Variants in SAMD13 observed in about 807,000 individuals in gnomAD.
SAMD13 encodes sterile alpha motif domain-containing protein 13.
A neutral mutation model predicts 12.4 loss-of-function variants in SAMD13; 9 were observed. The observed-to-expected ratio is 0.72, with a 90% CI of 0.44 to 1.26. The LOEUF (loss-of-function observed/expected upper bound fraction) is 1.26, where lower values mean the gene tolerates loss of function less well. Among genes scored for constraint, SAMD13 ranks in the 50% most tolerant of loss-of-function variants. The probability of loss-of-function intolerance (pLI) is 0.00; values close to 1 mark genes in which losing one functional copy is unlikely to be tolerated. For synonymous variants in SAMD13, 46 were observed against 45.4 expected (o/e 1.01, Z -0.05); for missense variants, 84 against 119.6 (o/e 0.70, Z 1.39).
At position 84,324,250 on chromosome 1, in the gene SAMD13, G is replaced by A. The variant is rs1158348866; in HGVS notation, c.54-1387G>A. ...TGATCAGGTCACCCCCTTTACATAG[G>A]ACCATTCAACAGCTCCTCATTGCTC... is the stretch of plus-strand genomic sequence containing the variant. On this transcript the variant is annotated intron_variant, in intron 2 of 3. Transcript: ENST00000394834. Among the ~76,000 whole-genome samples the A allele has an allele frequency of 2.6e-5, 4 of 152,092 alleles. No individual in the cohort carries two copies. The East Asian group carries it at 7.7e-4, about 29-fold the overall frequency.
At chr1:84,325,589 C>G in intron 2 of SAMD13, 48 bp from the exon 3 acceptor site, 1 of 1,169,520 alleles carries the variant, frequency 8.6e-7, no homozygotes, top group South Asian at 1.2e-5. Context: ...CTGGCCACAC[C>G]CTTGTGCAGG....
In SAMD13 at chr1:84,324,804, C is replaced by A. The variant is rs559492380; in HGVS notation, c.54-833C>A. On this transcript the variant is annotated intron_variant, in intron 2 of 3. Transcript: ENST00000394834. ...TTACCAGTCTTTCTTTATTCTACTT[C>A]TCCTTTCCCTCCTCTCTGAATCCAA... Among the ~76,000 whole-genome samples the A allele has an allele frequency of 2.0e-4, 30 of 152,310 alleles. 1 individual carries two copies. The South Asian group carries it at 6.2e-3, about 32-fold the overall frequency.
At chr1:84,328,254 G>C (rs1679100727) in intron 3 of SAMD13, among the ~76,000 whole-genome samples, 1 of 152,264 alleles carries the variant, frequency 6.6e-6, no homozygotes, top group African/African-American at 2.4e-5. Context: ...ATCTCATTCT[G>C]TCCCAATGGA....
chr1:84,335,529 T>C lies in SAMD13; in HGVS notation c.165+9781T>C, dbSNP rs959708340. ...CACTCTGTGACTTTTAATTGAGACA[T>C]TTACTCTGTTTCCATTCAAGGTTAC... On this transcript the variant is annotated intron_variant, in intron 3 of 3. Coordinates refer to ENST00000394834, the MANE Select transcript of SAMD13 (RefSeq NM_001134663.2). Among the ~76,000 whole-genome samples the C allele has an allele frequency of 3.3e-5, 5 of 152,282 alleles. No homozygotes were observed. In the East Asian group the frequency reaches 9.6e-4, roughly 29 times the overall value.
At chr1:84,318,360 G>C (rs1377645885) in intron 2 of SAMD13, among the ~76,000 whole-genome samples, 1 of 151,560 alleles carries the variant, frequency 6.6e-6, no homozygotes, top group Non-Finnish European at 1.5e-5. Context: ...TGATTTATTT[G>C]ACCTATTGGT....
rs142102090 is a variant in SAMD13 at position 84,341,647 on chromosome 1, T to C, written c.166-7984T>C. Among the ~76,000 whole-genome samples, 416 of 152,162 alleles carry C rather than the reference T, an allele frequency of 2.7e-3. 1 individual carries two copies. Among genetic ancestry groups the C allele is most frequent in the Middle Eastern group, 6.8e-3 (2 of 294 alleles). ...AAAAGAATAGCTCCCTGGTCAATCA[T>C]TGGGTTCAGACTTGGTATGAAAGAG... is the stretch of plus-strand genomic sequence containing the variant. On this transcript the variant is annotated intron_variant, in intron 3 of 3. Transcript: ENST00000394834.
At chr1:84,338,640 A>G (rs972233423) in intron 3 of SAMD13, among the ~76,000 whole-genome samples, 3 of 151,820 alleles carry the variant, frequency 2.0e-5, no homozygotes, top group Admixed American at 6.6e-5. Flanking sequence ...GTTTCACCAC[A>G]TTAGCCAGGC....
chr1:84,348,389 C>T (rs1224368427), intron 3 of SAMD13, among the ~76,000 whole-genome samples: 3 of 152,012 alleles, frequency 2.0e-5, no homozygotes, highest in African/African-American at 4.8e-5. Context: ...GGAGGGAGTC[C>T]GTTTTACGTA....
chr1:84,322,841 C>G (rs974700584), intron 2 of SAMD13, among the ~76,000 whole-genome samples: 1 of 152,078 alleles, frequency 6.6e-6, no homozygotes, highest in African/African-American at 2.4e-5. Flanking sequence ...TTGCTATACT[C>G]AAGAATATTT....
chr1:84,307,782 G>A (rs79554297), intron 2 of SAMD13, among the ~76,000 whole-genome samples: 88 of 152,268 alleles, frequency 5.8e-4, no homozygotes, highest in African/African-American at 2.0e-3. Context: ...CTTTTACTGT[G>A]ATAAGACCCT....
At chr1:84,322,872 T>A (rs1558449678) in intron 2 of SAMD13, among the ~76,000 whole-genome samples, 1 of 152,212 alleles carries the variant, frequency 6.6e-6, no homozygotes, top group Non-Finnish European at 1.5e-5. Flanking sequence ...GAAGTCATGA[T>A]GTTATATCCC....
At chr1:84,343,721 A>G (rs1166963633) in intron 3 of SAMD13, among the ~76,000 whole-genome samples, 2 of 152,180 alleles carry the variant, frequency 1.3e-5, no homozygotes, top group African/African-American at 4.8e-5. Context: ...GTTGGGGAGA[A>G]GGAGAGCATT....
At chr1:84,338,766 TC>T (rs1327278666) in intron 3 of SAMD13, among the ~76,000 whole-genome samples, 2 of 151,866 alleles carry the variant, frequency 1.3e-5, no homozygotes, top group African/African-American at 2.4e-5. Context: ...AACCATTAGA[TC>T]TCCTGAGACT....
At chr1:84,306,772 A>T (rs1678585160) in intron 2 of SAMD13, among the ~76,000 whole-genome samples, 1 of 151,180 alleles carries the variant, frequency 6.6e-6, no homozygotes, top group East Asian at 1.9e-4. Flanking sequence ...CAGAGGTTGA[A>T]ATGAGCCAAG....
intron 3 of SAMD13, among the ~76,000 whole-genome samples, chr1:84,338,432 CTT>C (rs201864672): frequency 0.033 from 3,367 of 100,600 alleles, 157 homozygotes; most frequent in African/African-American, 0.11. Flanking sequence ...ACTCATCTCT[CTT>C]TTTTTTTTTT....
At chr1:84,313,158 A>G (rs1328249853) in intron 2 of SAMD13, among the ~76,000 whole-genome samples, 1 of 152,180 alleles carries the variant, frequency 6.6e-6, no homozygotes, top group Non-Finnish European at 1.5e-5. Context: ...TATACATAAC[A>G]CAAGAATATA....
At chr1:84,301,913 G>T (rs1472094647) in intron 1 of SAMD13, 112 bp downstream of exon 1, 1 of 332,100 alleles carries the variant, frequency 3.0e-6, no homozygotes, top group East Asian at 1.7e-4. Context: ...TGTTTTCTGA[G>T]ATGCTTAGAA....
At chr1:84,335,645 G>C (rs1679275266) in intron 3 of SAMD13, among the ~76,000 whole-genome samples, 1 of 152,152 alleles carries the variant, frequency 6.6e-6, no homozygotes, top group Non-Finnish European at 1.5e-5. Flanking sequence ...GTGTCAGTGG[G>C]TCTATGTACT....
intron 2 of SAMD13, among the ~76,000 whole-genome samples, chr1:84,319,624 G>GAAAAAAAA (rs57599932): frequency 1.3e-5 from 1 of 77,752 alleles, no homozygotes. Flanking sequence ...GACAGGAAAA[G>GAAAAAAAA]AAAAAAAAAA....
Sources: gnomAD v4.1 joint callset for allele counts (sites outside exome capture counted in the v4.1 genomes callset) on GRCh38, gnomAD v4.1.1 for gene constraint, MANE v1.5 for transcripts, NCBI Gene and HGNC (gene_info 2026-07-23, HGNC 2026-07-21) for gene names.